DNAJC2: variants seen among roughly 807,000 people sequenced by gnomAD.
The protein encoded by DNAJC2 is DnaJ heat shock protein family (Hsp40) member C2.
DNAJC2 carries 32 observed loss-of-function variants against 94.0 expected under a neutral mutation model. That is an observed-to-expected ratio of 0.34 (90% confidence interval 0.26 to 0.46). The LOEUF (loss-of-function observed/expected upper bound fraction) is 0.46. DNAJC2 is among the 20% of genes least tolerant of loss of function. The probability of loss-of-function intolerance (pLI) is 1.00; values close to 1 mark genes in which losing one functional copy is unlikely to be tolerated. For synonymous variants in DNAJC2, 210 were observed against 229.7 expected (o/e 0.91, Z 0.77); for missense variants, 550 against 719.5 (o/e 0.76, Z 2.69).
chr7:103,328,539 A>G (rs1197717021), intron 3 of DNAJC2, among the ~76,000 whole-genome samples: 1 of 152,036 alleles, frequency 6.6e-6, no homozygotes, highest in African/African-American at 2.4e-5. Flanking sequence ...GCTCAGACAT[A>G]AGAATCGCTT....
intron 2 of DNAJC2, among the ~76,000 whole-genome samples, chr7:103,341,409 G>A (rs570750647): frequency 3.3e-5 from 5 of 152,108 alleles, no homozygotes; most frequent in African/African-American, 1.2e-4. Flanking sequence ...TACCCTATAC[G>A]ACTTATCAAT....
intron 13 of DNAJC2, 34 bp downstream of exon 13, chr7:103,316,796 G>A (rs1318296035): frequency 2.5e-6 from 4 of 1,569,588 alleles, no homozygotes; most frequent in Non-Finnish European, 3.5e-6. Context: ...AGGCTCCAGT[G>A]TGAGTTGAAG....
chr7:103,329,224 T>G (rs1201456388), intron 3 of DNAJC2: 1 of 240,476 alleles, frequency 4.2e-6, no homozygotes, highest in African/African-American at 2.3e-5. Context: ...CAGGCCTGTT[T>G]ACCAGTTAAT....
chr7:103,316,558 T>C (rs1352895762), intron 13 of DNAJC2: 1 of 395,578 alleles, frequency 2.5e-6, no homozygotes, highest in African/African-American at 2.1e-5. Context: ...GAACAAGCCA[T>C]GACAGAGTAA....
At chr7:103,323,813 T>C (rs554344620) in intron 6 of DNAJC2, 150 bp from the exon 7 acceptor site, 7 of 606,052 alleles carry the variant, frequency 1.2e-5, no homozygotes, top group Admixed American at 4.9e-5. Context: ...TTTAAGGACA[T>C]TGCATTTGGT....
chr7:103,329,056 T>C, intron 3 of DNAJC2: 1 of 1,175,606 alleles, frequency 8.5e-7, no homozygotes, highest in Non-Finnish European at 1.1e-6. Context: ...CGTCTAATTA[T>C]TTAAAATTTG....
rs549527113 is a variant in DNAJC2 at position 103,344,149 on chromosome 7, G to A, written c.64+410C>T. On this transcript the variant is annotated intron_variant, in intron 1 of 16. Coordinates refer to ENST00000379263, the MANE Select transcript of DNAJC2 (RefSeq NM_014377.3). Reference sequence around the variant, plus strand: ...ACAAGGCCGGAGCAAACGTAGAGAGGGAGAAAGTTGTTTAAGAGAGCGCCA... The same window carrying A: ...ACAAGGCCGGAGCAAACGTAGAGAGAGAGAAAGTTGTTTAAGAGAGCGCCA... 25 of 192,180 alleles carry A rather than the reference G, an allele frequency of 1.3e-4. 1 individual carries two copies. In the East Asian group the frequency reaches 2.5e-3, roughly 19 times the overall value. 11.9% of individuals were successfully genotyped at this position (192,180 alleles called of 1,614,324 possible).
At chr7:103,312,896 C>T (rs777662492) in intron 16 of DNAJC2, 51 bp downstream of exon 16, 4 of 1,576,600 alleles carry the variant, frequency 2.5e-6, no homozygotes, top group Non-Finnish European at 3.4e-6. Flanking sequence ...AGCTATATCA[C>T]CCAAGCTACA....
In DNAJC2 at chr7:103,337,790, G is replaced by T. The variant is rs758499604; in HGVS notation, c.277C>A (p.Leu93Ile). The T allele has an allele frequency of 2.5e-6, 4 of 1,613,408 alleles. No homozygotes were observed. In the Admixed American group the frequency reaches 6.7e-5, roughly 27 times the overall value. Reference sequence around the variant, plus strand: ...TTGTATCTCACATGGCCAAGTCCAAGAACTGCATAATGATCTTGGTTCTGG... The same window carrying T: ...TTGTATCTCACATGGCCAAGTCCAATAACTGCATAATGATCTTGGTTCTGG... ...DWKNQDHYAVLGLGHVRYKAT... is the reference protein window; with the variant it reads ...DWKNQDHYAVIGLGHVRYKAT... The change falls in exon 3 of 17, where the codon CTT becomes ATT. Residue 93 changes from leucine (L) to isoleucine (I), a missense_variant. By Grantham distance (5) the Leu-to-Ile change is conservative. Transcript: ENST00000379263.
chr7:103,314,555 ATACCTGTTG>A (rs1429182706), intron 15 of DNAJC2: 4 of 985,276 alleles, frequency 4.1e-6, no homozygotes, highest in Non-Finnish European at 2.4e-6. Context: ...TAGTGTGCTA[ATACCTGTTG>A]TATTTTGTGG....
Position 103,319,877 on chromosome 7 carries a change from C to A in DNAJC2, c.1084-33G>T, listed in dbSNP as rs761681108. ...CACAAACACAAAAATAGTATCTACA[C>A]TCAAAAATACATCCATCAACATAAT... On this transcript the variant is annotated intron_variant, in intron 10 of 16. Transcript: ENST00000379263. 8.1e-6 allele frequency: 13 copies of A among 1,599,796 alleles called. No individual in the cohort carries two copies. The South Asian group carries it at 1.4e-4, about 18-fold the overall frequency.
chr7:103,340,318 A>G (rs899461908), intron 2 of DNAJC2, among the ~76,000 whole-genome samples: 5 of 151,924 alleles, frequency 3.3e-5, no homozygotes, highest in African/African-American at 9.7e-5. Flanking sequence ...ATGCTCCCCA[A>G]TGTTGTCTTT....
intron 12 of DNAJC2, 55 bp downstream of exon 12, chr7:103,319,554 G>A (rs1818265855): frequency 6.5e-7 from 1 of 1,544,514 alleles, no homozygotes; most frequent in South Asian, 1.1e-5. Context: ...GAAGAAACAG[G>A]TCAAAGCAGA....
intron 3 of DNAJC2, 52 bp downstream of exon 3, chr7:103,337,684 A>T: frequency 7.2e-7 from 1 of 1,391,414 alleles, no homozygotes; most frequent in Non-Finnish European, 1.0e-6. Flanking sequence ...AAGCATAGCC[A>T]GCCTGTTCCT....
chr7:103,342,012 A>G, intron 1 of DNAJC2, 58 bp from the exon 2 acceptor site: 1 of 1,316,074 alleles, frequency 7.6e-7, no homozygotes, highest in Non-Finnish European at 1.0e-6. Flanking sequence ...AATATGTTTC[A>G]AGGCAATTAA....
chr7:103,326,801 T>C (rs1479747973), intron 4 of DNAJC2, 117 bp from the exon 5 acceptor site: 4 of 1,088,042 alleles, frequency 3.7e-6, no homozygotes, highest in Admixed American at 3.1e-5. Flanking sequence ...TTTGAAAATT[T>C]TGTTTGCAGG....
Position 103,312,611 on chromosome 7 carries a change from A to G in DNAJC2, c.1824T>C (p.Ala608=). ...TTGCATTCAGCACTTGTTCTTGAGC[A>G]GCTTTCTTTGCTTTTACCATCTCGA... The part of the protein sequence containing the change: ...ELVEMVKAKK[A]AQEQVLNASR... Residue 608 remains alanine (A), a synonymous_variant, in exon 17 of 17, where the codon GCT becomes GCC. Coordinates refer to ENST00000379263, the MANE Select transcript of DNAJC2 (RefSeq NM_014377.3). The G allele has an allele frequency of 1.2e-6, 2 of 1,613,746 alleles. No homozygotes were observed. The highest frequency in any genetic ancestry group is 1.7e-6 in the Non-Finnish European group (2 of 1,179,852).
Position 103,325,159 on chromosome 7 carries a change from C to T in DNAJC2, c.573-597G>A, listed in dbSNP as rs1053399273. On this transcript the variant is annotated intron_variant, in intron 5 of 16. Transcript: ENST00000379263. ...CACCTCAGCACTGCTATAAAACAAACGTGGCCAGGCGCGGTGGCTCATGCC... is the reference window on the plus strand; with the variant it reads ...CACCTCAGCACTGCTATAAAACAAATGTGGCCAGGCGCGGTGGCTCATGCC... Among the ~76,000 whole-genome samples, 11 of 152,068 alleles carry T rather than the reference C, an allele frequency of 7.2e-5. No individual in the cohort carries two copies. The East Asian group carries it at 1.7e-3, about 24-fold the overall frequency.
In DNAJC2 at chr7:103,312,638, A is replaced by G. The variant is rs779657300; in HGVS notation, c.1797T>C (p.Leu599=). The G allele has an allele frequency of 6.2e-7, 1 of 1,613,180 alleles. No homozygotes were observed. The highest frequency in any genetic ancestry group is 1.1e-5 in the South Asian group (1 of 90,834). The stretch of plus-strand genomic sequence containing the variant: ...CTTTCTTTGCTTTTACCATCTCGAC[A>G]AGTTCCTAGGAAGGGAGAAAGGTGT... The part of the protein sequence containing the change: ...KKDCMKRYKE[L]VEMVKAKKAA... The change falls in exon 17 of 17, where the codon CTT becomes CTC. Residue 599 remains leucine (L), a synonymous_variant. Coordinates refer to ENST00000379263, the MANE Select transcript of DNAJC2 (RefSeq NM_014377.3).
Sources: gnomAD v4.1 joint callset for allele counts (sites outside exome capture counted in the v4.1 genomes callset) on GRCh38, gnomAD v4.1.1 for gene constraint, MANE v1.5 for transcripts, NCBI Gene and HGNC (gene_info 2026-07-23, HGNC 2026-07-21) for gene names.